The following E2F7 variants were observed in gnomAD, a reference collection of about 807,000 sequenced individuals.
E2F7 encodes transcription factor E2F7.
A neutral mutation model predicts 81.1 loss-of-function variants in E2F7; 35 were observed. The ratio of observed to expected loss-of-function variants is 0.43; its 90% CI spans 0.33 to 0.57. The LOEUF (loss-of-function observed/expected upper bound fraction) is 0.57, where lower values mean the gene tolerates loss of function less well. Ranked by LOEUF, E2F7 falls within the 20% of genes least tolerant of loss-of-function variation. The pLI is 0.04. For missense variants in E2F7, 961 were observed against 1,093.7 expected, an observed-to-expected ratio of 0.88 and a Z score of 1.71; for synonymous variants, 416 against 416.2, an observed-to-expected ratio of 1.00 and a Z score of 0.01.
At chr12:77,040,135 T>G (rs904052350) in intron 7 of E2F7, among the ~76,000 whole-genome samples, 53 of 152,336 alleles carry the variant, frequency 3.5e-4, no homozygotes, top group African/African-American at 1.2e-3. Context: ...CATAAGCTGA[T>G]CAATATATGA....
rs1486212911 is a variant in E2F7, at chr12:77,030,145, C to A, written c.1570G>T (p.Val524Phe). The A allele has an allele frequency of 6.2e-7, 1 of 1,614,208 alleles. No individual in the cohort carries two copies. Among genetic ancestry groups the A allele is most frequent in the Non-Finnish European group, 8.5e-7 (1 of 1,180,032 alleles). ...GCAGAGGCTGCAGAAGCAAGTGAGA[C>A]ATCCACTTGTCCATTCAGACCGTTC... The part of the protein sequence containing the change: ...MQNGLNGQVD[V>F]SLASAASAVE... Residue 524 changes from valine (V) to phenylalanine (F), a missense_variant, in exon 10 of 13, where the codon GTC becomes TTC. Val to Phe is a conservative substitution (Grantham distance 50, BLOSUM62 -1). This residue lies in a region of E2F7 where 587 missense variants were observed against 620.3 expected (regional missense o/e 0.95). Transcript: ENST00000322886.
chr12:77,023,921 G>C lies in E2F7; in HGVS notation c.*94C>G. ...AAGTGTGGATGAAAGAGAGAGGAAG[G>C]ACCCGTGCTCAGGACGGGATGGTTT... On this transcript the variant is annotated 3_prime_UTR_variant, in exon 13 of 13. Transcript: ENST00000322886. 1 of 1,419,222 alleles carries C rather than the reference G, an allele frequency of 7.0e-7. No individual in the cohort carries two copies. The highest frequency in any genetic ancestry group is 9.6e-7 in the Non-Finnish European group (1 of 1,045,466). The allele number at this position is 1,419,222 out of a possible 1,614,324, so 87.9% of individuals were successfully genotyped here.
At position 77,046,250 on chromosome 12, in the gene E2F7, T is replaced by G; in HGVS notation, c.617A>C (p.Gln206Pro). 1.2e-6 allele frequency: 2 copies of G among 1,614,226 alleles called. No individual in the cohort carries two copies. Among genetic ancestry groups the G allele is most frequent in the Non-Finnish European group, 1.7e-6 (2 of 1,180,032 alleles). ...LHLVSRVAKN[Q>P]YGWHGRHSLP... Reference sequence around the variant, plus strand: ...GCTGTGCCGTCCATGCCAGCCATACTGATTCTTAGCCACCCGGCTGACCAG... The same window carrying G: ...GCTGTGCCGTCCATGCCAGCCATACGGATTCTTAGCCACCCGGCTGACCAG... The change falls in exon 5 of 13, where the codon CAG becomes CCG. Residue 206 changes from glutamine to proline, a missense_variant. Coordinates refer to ENST00000322886, the MANE Select transcript of E2F7 (RefSeq NM_203394.3).
intron 7 of E2F7, among the ~76,000 whole-genome samples, chr12:77,042,343 G>A (rs979796273): frequency 6.6e-6 from 1 of 152,170 alleles, no homozygotes; most frequent in African/African-American, 2.4e-5. Context: ...ATATTTATAC[G>A]CCTGGGTTAA....
intron 6 of E2F7, among the ~76,000 whole-genome samples, chr12:77,043,840 T>C (rs1406893996): frequency 1.3e-5 from 2 of 152,200 alleles, no homozygotes; most frequent in Non-Finnish European, 2.9e-5. Flanking sequence ...GAAGGGGTGG[T>C]AGCACATGAG....
chr12:77,052,431 T>C (rs1954997838), intron 3 of E2F7, among the ~76,000 whole-genome samples: 1 of 152,124 alleles, frequency 6.6e-6, no homozygotes, highest in African/African-American at 2.4e-5. Flanking sequence ...ATGAAAGCAG[T>C]TGCACTGCCA....
At chr12:77,030,694 A>G (rs1954799292) in intron 9 of E2F7, among the ~76,000 whole-genome samples, 1 of 152,188 alleles carries the variant, frequency 6.6e-6, no homozygotes, top group Non-Finnish European at 1.5e-5. Flanking sequence ...TAACAATTTT[A>G]TGCAATTATT....
Position 77,039,289 on chromosome 12 carries a change from A to C in E2F7, c.1123+3776T>G, listed in dbSNP as rs534423449. On this transcript the variant is annotated intron_variant, in intron 7 of 12. Transcript: ENST00000322886. ...TGAAAGCATGTCCCACTAAAGAAAAAATTAATAAAAACTAATACATTAGTG... is the reference window on the plus strand; with the variant it reads ...TGAAAGCATGTCCCACTAAAGAAAACATTAATAAAAACTAATACATTAGTG... Among the ~76,000 whole-genome samples the C allele has an allele frequency of 2.0e-5, 3 of 152,314 alleles. No individual in the cohort carries two copies. The East Asian group carries it at 5.8e-4, about 29-fold the overall frequency.
At chr12:77,045,926 A>G (rs1954936055) in intron 5 of E2F7, 112 bp downstream of exon 5, 3 of 1,334,070 alleles carry the variant, frequency 2.2e-6, no homozygotes, top group Non-Finnish European at 3.1e-6. Flanking sequence ...ATAAGAGAAC[A>G]TCTCCCTCCA....
At chr12:77,064,843 C>T (rs1250339364) in intron 1 of E2F7, among the ~76,000 whole-genome samples, 1 of 152,048 alleles carries the variant, frequency 6.6e-6, no homozygotes, top group Non-Finnish European at 1.5e-5. Flanking sequence ...CTTAGTAATA[C>T]TGAAAATCTG....
Position 77,024,151 on chromosome 12 carries a change from C to T in E2F7, c.2600G>A (p.Arg867His), listed in dbSNP as rs1249849684. 1.9e-6 allele frequency: 3 copies of T among 1,613,748 alleles called. No homozygotes were observed. Among genetic ancestry groups the T allele is most frequent in the East Asian group, 2.2e-5 (1 of 44,860 alleles). The change falls in exon 13 of 13, where the codon CGC becomes CAC. Residue 867 changes from arginine (R) to histidine (H), a missense_variant. Transcript: ENST00000322886. ...PVPVTPKSIQ[R>H]THRETFFKTP... Reference sequence around the variant, plus strand: ...CTTGAAAAACGTCTCACGATGTGTGCGTTGGATGCTCTTGGGGGTCACTGG... The same window carrying T: ...CTTGAAAAACGTCTCACGATGTGTGTGTTGGATGCTCTTGGGGGTCACTGG...
intron 2 of E2F7, 152 bp downstream of exon 2, chr12:77,064,391 G>T (rs1445112961): frequency 1.5e-6 from 1 of 656,024 alleles, no homozygotes. Flanking sequence ...GGTTTGGATG[G>T]CTCTATTTTT....
At chr12:77,039,122 G>C (rs12309524) in intron 7 of E2F7, among the ~76,000 whole-genome samples, 28,922 of 152,044 alleles carry the variant, frequency 0.19, 3,248 homozygotes, top group African/African-American at 0.31. Context: ...ACTAGAGAAA[G>C]GATAATATTT....
At chr12:77,030,469 C>G (rs984516899) in intron 9 of E2F7, 137 bp from the exon 10 acceptor site, 2 of 1,085,878 alleles carry the variant, frequency 1.8e-6, no homozygotes, top group Non-Finnish European at 1.3e-6. Flanking sequence ...TTGCTGAGCA[C>G]GTGTTAGCTC....
At chr12:77,056,275 G>A (rs1475365942) in intron 2 of E2F7, 145 bp from the exon 3 acceptor site, 4 of 806,368 alleles carry the variant, frequency 5.0e-6, no homozygotes, top group South Asian at 2.0e-5. Flanking sequence ...TAGGACTAAC[G>A]AAAAGTAGTC....
rs1954732032 is a variant in E2F7 at position 77,023,673 on chromosome 12, C to T, written c.*342G>A. The T allele has an allele frequency of 5.4e-6, 1 of 186,100 alleles. No homozygotes were observed. The highest frequency in any genetic ancestry group is 5.9e-5 in the Admixed American group (1 of 16,862). 11.5% of individuals were successfully genotyped at this position (186,100 alleles called of 1,614,324 possible). A position where few individuals can be genotyped will look rare whatever the true frequency, so the allele number is the denominator to read the frequency against. On this transcript the variant is annotated 3_prime_UTR_variant, in exon 13 of 13. Coordinates refer to ENST00000322886, the MANE Select transcript of E2F7 (RefSeq NM_203394.3). ...CAAGTGGAAATACATGTTAAGAATG[C>T]TTACCCTAGTTAAGTGCTAGACAGC... is the stretch of plus-strand genomic sequence containing the variant.
At chr12:77,060,045 TCATTTCCACTGTGA>T (rs1955066457) in intron 2 of E2F7, among the ~76,000 whole-genome samples, 1 of 149,944 alleles carries the variant, frequency 6.7e-6, no homozygotes, top group Non-Finnish European at 1.5e-5. Context: ...CCCCAGAGGG[TCATTTCCACTGTGA>T]CTGTATTGCA....
At chr12:77,038,614 T>C (rs1954872131) in intron 7 of E2F7, among the ~76,000 whole-genome samples, 1 of 152,126 alleles carries the variant, frequency 6.6e-6, no homozygotes, top group Admixed American at 6.5e-5. Context: ...GCTAAAGCAG[T>C]ACTGAGAGGA....
chr12:77,046,108 A>G lies in E2F7; in HGVS notation c.759T>C (p.Arg253=), dbSNP rs768515525. Residue 253 remains arginine (R), a synonymous_variant, in exon 5 of 13, where the codon CGT becomes CGC. Transcript: ENST00000322886. The part of the protein sequence containing the change: ...LDLIDYKFGE[R]KKDGDPDSQE... Reference sequence around the variant, plus strand: ...GGGAATCTGGATCACCATCTTTTTTACGTTCTCCAAATTTATAATCTATCA... The same window carrying G: ...GGGAATCTGGATCACCATCTTTTTTGCGTTCTCCAAATTTATAATCTATCA... 6.2e-7 allele frequency: 1 copy of G among 1,614,146 alleles called. No individual in the cohort carries two copies. The highest frequency in any genetic ancestry group is 8.5e-7 in the Non-Finnish European group (1 of 1,180,036).
Sources: gnomAD v4.1 joint callset for allele counts (sites outside exome capture counted in the v4.1 genomes callset) on GRCh38, gnomAD v4.1.1 for gene constraint, gnomAD v4.1.1 regional missense constraint, MANE v1.5 for transcripts, NCBI Gene and HGNC (gene_info 2026-07-23, HGNC 2026-07-21) for gene names.